ADGRB3: variants seen among roughly 807,000 people sequenced by gnomAD.
The protein encoded by ADGRB3 is brain-specific angiogenesis inhibitor 3.
In ADGRB3, 37 loss-of-function variants were observed where a neutral mutation model predicts 193.4. The observed-to-expected ratio is 0.19, with a 90% CI of 0.15 to 0.25. The LOEUF is 0.25. Among genes scored for constraint, ADGRB3 ranks in the 10% least tolerant of loss-of-function variants. The probability of loss-of-function intolerance (pLI) is 1.00; values close to 1 mark genes in which losing one functional copy is unlikely to be tolerated. For missense variants in ADGRB3, 1,637 were observed against 1,852.9 expected, an observed-to-expected ratio of 0.88 and a Z score of 2.14; for synonymous variants, 690 against 644.2, an observed-to-expected ratio of 1.07 and a Z score of -1.08.
At chr6:69,108,089 T>C (rs189314973) in intron 17 of ADGRB3, among the ~76,000 whole-genome samples, 33 of 152,124 alleles carry the variant, frequency 2.2e-4, no homozygotes, top group Admixed American at 1.3e-3. Flanking sequence ...CGAACTCTCT[T>C]GAATGTCTGA....
chr6:69,279,115 A>G (rs1255187009), intron 20 of ADGRB3, among the ~76,000 whole-genome samples: 1 of 113,094 alleles, frequency 8.8e-6, no homozygotes, highest in Non-Finnish European at 1.8e-5. Context: ...ATATATATAT[A>G]TATATGCTCC....
intron 13 of ADGRB3, among the ~76,000 whole-genome samples, chr6:69,034,297 A>G (rs1001770278): frequency 2.0e-5 from 3 of 151,752 alleles, no homozygotes; most frequent in African/African-American, 7.2e-5. Flanking sequence ...CCTAACTCCA[A>G]ATACTTACCT....
chr6:69,127,204 T>A (rs1773877119), intron 17 of ADGRB3, among the ~76,000 whole-genome samples: 1 of 152,220 alleles, frequency 6.6e-6, no homozygotes. Context: ...GCAGGACCCC[T>A]TGATCCATTC....
intron 17 of ADGRB3, among the ~76,000 whole-genome samples, chr6:69,215,699 A>T (rs1045897468): frequency 6.6e-6 from 1 of 152,150 alleles, no homozygotes; most frequent in Non-Finnish European, 1.5e-5. Context: ...GTTAAAAAAA[A>T]AATCATCCAA....
intron 3 of ADGRB3, among the ~76,000 whole-genome samples, chr6:68,867,225 C>T (rs1765321254): frequency 6.6e-6 from 1 of 152,132 alleles, no homozygotes; most frequent in African/African-American, 2.4e-5. Context: ...TGTGCAGTCT[C>T]AGGACATGGC....
chr6:68,712,624 A>T (rs924622274), intron 3 of ADGRB3, among the ~76,000 whole-genome samples: 2 of 152,012 alleles, frequency 1.3e-5, no homozygotes, highest in Non-Finnish European at 2.9e-5. Flanking sequence ...TGGGAGACAT[A>T]GGAGAGAGAC....
In ADGRB3 at chr6:69,076,030, C is replaced by T. The variant is rs1438519765; in HGVS notation, c.2472C>T (p.Asp824=). Reference sequence around the variant, plus strand: ...ATCCCTATTGTGTATTGTGGGATGACTCCAAAACGTAAGTGACAGATGTTT... The same window carrying T: ...ATCCCTATTGTGTATTGTGGGATGATTCCAAAACGTAAGTGACAGATGTTT... ...TLNPYCVLWD[D]SKTNESLGTW... The change falls in exon 17 of 32, where the codon GAC becomes GAT. Residue 824 remains aspartate, a synonymous_variant. Transcript: ENST00000370598. 6.2e-7 allele frequency: 1 copy of T among 1,611,608 alleles called. No individual in the cohort carries two copies. Among genetic ancestry groups the T allele is most frequent in the Non-Finnish European group, 8.5e-7 (1 of 1,178,802 alleles).
At chr6:69,382,996 C>A in intron 31 of ADGRB3, 61 bp downstream of exon 31, 1 of 1,096,720 alleles carries the variant, frequency 9.1e-7, no homozygotes, top group Non-Finnish European at 1.3e-6. Context: ...ATTATTCCTG[C>A]CTTCCAGGAC....
At chr6:68,842,631 A>AAATAGG (rs1397446383) in intron 3 of ADGRB3, among the ~76,000 whole-genome samples, 3 of 152,032 alleles carry the variant, frequency 2.0e-5, no homozygotes, top group African/African-American at 4.8e-5. Context: ...TAGTTTTGCA[A>AAATAGG]AATAGAGGAG....
intron 3 of ADGRB3, among the ~76,000 whole-genome samples, chr6:68,647,230 G>A (rs1020803985): frequency 6.6e-6 from 1 of 151,952 alleles, no homozygotes; most frequent in Non-Finnish European, 1.5e-5. Flanking sequence ...ATGTTTCTTT[G>A]TGAAGTAGAA....
At chr6:69,200,126 T>C (rs1284228822) in intron 17 of ADGRB3, among the ~76,000 whole-genome samples, 1 of 148,052 alleles carries the variant, frequency 6.8e-6, no homozygotes, top group Non-Finnish European at 1.5e-5. Context: ...AATAAAGTTT[T>C]AATTAAAAAA....
chr6:68,697,386 T>G (rs1765174964), intron 3 of ADGRB3, among the ~76,000 whole-genome samples: 1 of 151,946 alleles, frequency 6.6e-6, no homozygotes, highest in Non-Finnish European at 1.5e-5. Context: ...GCAAATGAAT[T>G]TTTCTCTTCG....
intron 16 of ADGRB3, among the ~76,000 whole-genome samples, chr6:69,068,259 G>A (rs1489755114): frequency 6.6e-6 from 1 of 152,052 alleles, no homozygotes; most frequent in Non-Finnish European, 1.5e-5. Context: ...ATGTCAAAAC[G>A]CATATGTGTG....
chr6:69,202,949 A>G (rs997567275), intron 17 of ADGRB3, among the ~76,000 whole-genome samples: 1 of 152,132 alleles, frequency 6.6e-6, no homozygotes, highest in Non-Finnish European at 1.5e-5. Flanking sequence ...TTTAACAGTA[A>G]TAGCCAAGTA....
At chr6:69,015,000 G>A (rs1770047626) in intron 12 of ADGRB3, among the ~76,000 whole-genome samples, 2 of 151,630 alleles carry the variant, frequency 1.3e-5, no homozygotes, top group African/African-American at 2.4e-5. Context: ...TAAATTTCAT[G>A]CATCTGGACA....
intron 11 of ADGRB3, among the ~76,000 whole-genome samples, chr6:69,011,190 G>C (rs1224762395): frequency 2.0e-5 from 3 of 150,058 alleles, no homozygotes; most frequent in Non-Finnish European, 4.4e-5. Context: ...CTATATGTGT[G>C]AGACAAGTTA....
At chr6:68,647,135 C>T (rs1768234830) in intron 3 of ADGRB3, among the ~76,000 whole-genome samples, 1 of 152,132 alleles carries the variant, frequency 6.6e-6, no homozygotes, top group South Asian at 2.1e-4. Flanking sequence ...GACCTGCATA[C>T]ATTAAGCATG....
chr6:68,978,001 A>G (rs901826045), intron 10 of ADGRB3, among the ~76,000 whole-genome samples: 21 of 151,634 alleles, frequency 1.4e-4, no homozygotes, highest in East Asian at 3.9e-4. Context: ...TTCTGCTTAC[A>G]TGTTCTTAGG....
intron 3 of ADGRB3, among the ~76,000 whole-genome samples, chr6:68,797,462 T>G (rs1237419363): frequency 6.6e-6 from 1 of 151,684 alleles, no homozygotes; most frequent in Non-Finnish European, 1.5e-5. Flanking sequence ...CTGGCACACC[T>G]TGAAACCTGT....
Sources: allele counts gnomAD v4.1 joint callset (sites outside exome capture counted in the v4.1 genomes callset), GRCh38; gene constraint gnomAD v4.1.1; transcripts MANE v1.5; gene names NCBI Gene and HGNC (gene_info 2026-07-23, HGNC 2026-07-21).